GIMD1: variants seen among roughly 807,000 people sequenced by gnomAD.
The protein encoded by GIMD1 is GTPase IMAP family member GIMD1.
Under a neutral mutation model 14.9 loss-of-function variants are expected in GIMD1, and 14 were observed. That is an observed-to-expected ratio of 0.94 (90% CI 0.62 to 1.47). GIMD1 has a LOEUF of 1.47. Among genes scored for constraint, GIMD1 ranks in the 40% most tolerant of loss-of-function variants. GIMD1 has a pLI of 0.00. For missense variants in GIMD1, 272 were observed against 255.3 expected (o/e 1.07, Z -0.44); for synonymous variants, 91 against 90.5 (o/e 1.01, Z -0.03).
In GIMD1 at chr4:106,367,445, A is replaced by T. The variant is rs1432767273; in HGVS notation, c.-2-8T>A. The T allele has an allele frequency of 6.6e-7, 1 of 1,520,888 alleles. No individual in the cohort carries two copies. The highest frequency in any genetic ancestry group is 1.2e-5 in the South Asian group (1 of 82,012). The allele number at this position is 1,520,888 out of a possible 1,614,324, so 94.2% of individuals were successfully genotyped here. A position where few individuals can be genotyped will look rare whatever the true frequency, so the allele number is the denominator to read the frequency against. ...TGTTGGGGTCTGTCATGGCTGTAGG[A>T]AAACAAAGGCATAGCACGCATAATT... On this transcript the variant is annotated splice_region_variant and splice_polypyrimidine_tract_variant and intron_variant, in intron 1 of 2. Coordinates refer to ENST00000638719, the MANE Select transcript of GIMD1 (RefSeq NM_001195138.2).
At chr4:106,361,930 A>T (rs1770618704) in intron 2 of GIMD1, among the ~76,000 whole-genome samples, 1 of 152,112 alleles carries the variant, frequency 6.6e-6, no homozygotes, top group South Asian at 2.1e-4. Context: ...TTAGTACTTA[A>T]TGAAGTAAAT....
intron 2 of GIMD1, 86 bp downstream of exon 2, chr4:106,366,957 A>ATATTATTATTAT (rs1157215301): frequency 1.3e-5 from 4 of 308,150 alleles, no homozygotes; most frequent in Admixed American, 5.4e-5. Context: ...AATAATAATA[A>ATATTATTATTAT]TATTATTATT....
chr4:106,361,164 T>C (rs1014627361), intron 2 of GIMD1, among the ~76,000 whole-genome samples: 3 of 152,076 alleles, frequency 2.0e-5, no homozygotes, highest in Admixed American at 1.3e-4. Context: ...GAGGGTCTAC[T>C]TTGTTCTAGG....
intron 2 of GIMD1, among the ~76,000 whole-genome samples, chr4:106,364,170 A>G (rs1446458911): frequency 6.6e-6 from 1 of 152,160 alleles, no homozygotes; most frequent in Non-Finnish European, 1.5e-5. Flanking sequence ...AAATGTTTCC[A>G]TCGTCACAGC....
chr4:106,360,361 A>G (rs1479147980), intron 2 of GIMD1, among the ~76,000 whole-genome samples: 1 of 152,074 alleles, frequency 6.6e-6, no homozygotes, highest in East Asian at 1.9e-4. Context: ...AATTACTGTA[A>G]TAGATTATAA....
At chr4:106,368,277 A>G (rs1157597627) in intron 1 of GIMD1, among the ~76,000 whole-genome samples, 1 of 152,178 alleles carries the variant, frequency 6.6e-6, no homozygotes, top group East Asian at 1.9e-4. Flanking sequence ...TGTACACTGC[A>G]TGATCCCCCA....
chr4:106,364,401 G>C (rs1579657695), intron 2 of GIMD1, among the ~76,000 whole-genome samples: 2 of 152,236 alleles, frequency 1.3e-5, no homozygotes, highest in Middle Eastern at 6.8e-3. Context: ...GAAATCCATA[G>C]TGTGCCTGAA....
chr4:106,359,624 AAGAC>A (rs1385031727), intron 2 of GIMD1, among the ~76,000 whole-genome samples: 5 of 151,806 alleles, frequency 3.3e-5, no homozygotes, highest in African/African-American at 9.7e-5. Context: ...AAAATATTGA[AAGAC>A]AGTCTGGGAA....
chr4:106,363,888 G>C (rs60364855), intron 2 of GIMD1, among the ~76,000 whole-genome samples: 8 of 140,632 alleles, frequency 5.7e-5, no homozygotes, highest in South Asian at 5.2e-4. Context: ...CATAATGGGG[G>C]GGGGGGGGCG....
In GIMD1 at chr4:106,358,347, G is replaced by A. The variant is rs1035537209; in HGVS notation, c.490C>T (p.His164Tyr). The A allele has an allele frequency of 2.0e-6, 3 of 1,533,804 alleles. No individual in the cohort carries two copies. The African/African-American group carries it at 4.1e-5, about 21-fold the overall frequency. Reference sequence around the variant, plus strand: ...GTTTTCAGGGTATCAGAGGCCTCATGTAAATATTTATCTTCAGTAAGCCCA... The same window carrying A: ...GTTTTCAGGGTATCAGAGGCCTCATATAAATATTTATCTTCAGTAAGCCCA... ...EAGLTEDKYLHEASDTLKTLL... is the reference protein window; with the variant it reads ...EAGLTEDKYLYEASDTLKTLL... The change falls in exon 3 of 3, where the codon CAT becomes TAT. Residue 164 changes from histidine to tyrosine, a missense_variant. Physicochemically the swap from His to Tyr is moderately conservative, Grantham distance 83 (BLOSUM62 2). Coordinates refer to ENST00000638719, the MANE Select transcript of GIMD1 (RefSeq NM_001195138.2).
rs73839465 is a variant in GIMD1 at position 106,368,746 on chromosome 4, G to T, written c.-39C>A. On this transcript the variant is annotated 5_prime_UTR_variant, in exon 1 of 3. Coordinates refer to ENST00000638719, the MANE Select transcript of GIMD1 (RefSeq NM_001195138.2). ...TTGAAAATGCTTTCTCCACAAAGACGTCTCTCGCCCTGGCACAGTTGTTCT... is the reference window on the plus strand; with the variant it reads ...TTGAAAATGCTTTCTCCACAAAGACTTCTCTCGCCCTGGCACAGTTGTTCT... 8.4e-3 allele frequency: 3,342 copies of T among 398,418 alleles called. 92 individuals carry two copies. The highest frequency in any genetic ancestry group is 0.06 in the African/African-American group (2,939 of 48,674). 24.7% of individuals were successfully genotyped at this position (398,418 alleles called of 1,614,324 possible).
intron 2 of GIMD1, among the ~76,000 whole-genome samples, chr4:106,364,810 CCA>C (rs1300079472): frequency 1.3e-5 from 2 of 152,022 alleles, no homozygotes; most frequent in African/African-American, 4.8e-5. Context: ...AGACTATATG[CCA>C]AATATTGTTT....
intron 2 of GIMD1, among the ~76,000 whole-genome samples, chr4:106,359,426 A>G (rs1194828619): frequency 6.6e-6 from 1 of 151,906 alleles, no homozygotes; most frequent in Non-Finnish European, 1.5e-5. Flanking sequence ...GAAAGAAAGA[A>G]AGGAGAAAAA....
chr4:106,358,358 T>C lies in GIMD1; in HGVS notation c.479A>G (p.Asp160Gly), dbSNP rs778893317. The change falls in exon 3 of 3, where the codon GAT (aspartate) becomes GGT (glycine). Residue 160 changes from aspartate to glycine, a missense_variant. Physicochemically the swap from Asp to Gly is moderately conservative, Grantham distance 94 (BLOSUM62 -1). Transcript: ENST00000638719. Reference sequence around the variant, plus strand: ...ATCAGAGGCCTCATGTAAATATTTATCTTCAGTAAGCCCAGCCTCTTCTAT... The same window carrying C: ...ATCAGAGGCCTCATGTAAATATTTACCTTCAGTAAGCCCAGCCTCTTCTAT... ...EKIEEAGLTEDKYLHEASDTL... is the reference protein window; with the variant it reads ...EKIEEAGLTEGKYLHEASDTL... 2 of 1,533,786 alleles carry C rather than the reference T, an allele frequency of 1.3e-6. No individual in the cohort carries two copies. The highest frequency in any genetic ancestry group is 3.9e-5 in the Admixed American group (2 of 50,898).
At chr4:106,366,119 G>A (rs1201626261) in intron 2 of GIMD1, among the ~76,000 whole-genome samples, 3 of 152,016 alleles carry the variant, frequency 2.0e-5, no homozygotes, top group East Asian at 3.9e-4. Flanking sequence ...AGGGAAAGGT[G>A]GCATGTGTTA....
Position 106,367,168 on chromosome 4 carries a change from G to T in GIMD1, c.268C>A (p.Gln90Lys). Reference sequence around the variant, plus strand: ...TGTGCCAGAGCCTCTTTGACTTCCTGTTTCACATACTTCTTGCTCAGCCTG... The same window carrying T: ...TGTGCCAGAGCCTCTTTGACTTCCTTTTTCACATACTTCTTGCTCAGCCTG... Reference protein sequence around the residue: ...HSRLSKKYVKQEVKEALAHHF... With the variant: ...HSRLSKKYVKKEVKEALAHHF... The change falls in exon 2 of 3, where the codon CAG (glutamine) becomes AAG (lysine). Residue 90 changes from glutamine to lysine, a missense_variant. Physicochemically the swap from Gln to Lys is moderately conservative, Grantham distance 53 (BLOSUM62 1). Coordinates refer to ENST00000638719, the MANE Select transcript of GIMD1 (RefSeq NM_001195138.2). The T allele has an allele frequency of 1.3e-6, 2 of 1,535,776 alleles. No individual in the cohort carries two copies. The highest frequency in any genetic ancestry group is 1.7e-6 in the Non-Finnish European group (2 of 1,146,786).
At chr4:106,363,131 T>C (rs1435736803) in intron 2 of GIMD1, among the ~76,000 whole-genome samples, 1 of 152,148 alleles carries the variant, frequency 6.6e-6, no homozygotes, top group Non-Finnish European at 1.5e-5. Flanking sequence ...TCTTCATAAG[T>C]CTACCAGGAT....
rs963605734 is a variant in GIMD1, at chr4:106,367,147, C to T, written c.289G>A (p.Ala97Thr). The T allele has an allele frequency of 2.6e-6, 4 of 1,535,444 alleles. No individual in the cohort carries two copies. In the African/African-American group the frequency reaches 4.1e-5, roughly 16 times the overall value. The change falls in exon 2 of 3, where the codon GCA (alanine) becomes ACA (threonine). Residue 97 changes from alanine (A) to threonine (T), a missense_variant. Physicochemically the swap from Ala to Thr is moderately conservative, Grantham distance 58. Coordinates refer to ENST00000638719, the MANE Select transcript of GIMD1 (RefSeq NM_001195138.2). ...AGACCCCCTTGCCCGAAGTGATGTG[C>T]CAGAGCCTCTTTGACTTCCTGTTTC... is the stretch of plus-strand genomic sequence containing the variant. ...YVKQEVKEAL[A>T]HHFGQGGLHL...
intron 2 of GIMD1, among the ~76,000 whole-genome samples, chr4:106,363,883 TGG>T (rs34967487): frequency 0.053 from 4,152 of 78,244 alleles, 178 homozygotes; most frequent in South Asian, 0.098. Context: ...AATACCATAA[TGG>T]GGGGGGGGGG....
Sources: gnomAD v4.1 joint callset for allele counts (sites outside exome capture counted in the v4.1 genomes callset) on GRCh38, gnomAD v4.1.1 for gene constraint, MANE v1.5 for transcripts, NCBI Gene and HGNC (gene_info 2026-07-23, HGNC 2026-07-21) for gene names.